The following EPHA5 variants were observed in gnomAD, a reference collection of about 807,000 sequenced individuals.
The protein encoded by EPHA5 is EPH receptor A5.
Under a neutral mutation model 105.0 loss-of-function variants are expected in EPHA5, and 60 were observed. The observed-to-expected ratio is 0.57, with a 90% CI of 0.46 to 0.71. The LOEUF is 0.71. Among genes scored for constraint, EPHA5 ranks in the 30% least tolerant of loss-of-function variants. The pLI is 0.00. For synonymous variants in EPHA5, 513 were observed against 449.1 expected, an observed-to-expected ratio of 1.14 and a Z score of -1.80; for missense variants, 1,218 against 1,274.7, an observed-to-expected ratio of 0.96 and a Z score of 0.68.
intron 3 of EPHA5, among the ~76,000 whole-genome samples, chr4:65,498,828 C>G (rs1732198689): frequency 1.3e-5 from 2 of 151,548 alleles, no homozygotes; most frequent in South Asian, 4.2e-4. Context: ...GAAAAAAAAC[C>G]TGTGTGGTTC....
chr4:65,465,999 C>T (rs987852254), intron 5 of EPHA5, among the ~76,000 whole-genome samples: 1 of 151,930 alleles, frequency 6.6e-6, no homozygotes, highest in South Asian at 2.1e-4. Flanking sequence ...CAAGGACAAA[C>T]AAAAAAAGAC....
chr4:65,472,506 G>C (rs1462848028), intron 5 of EPHA5, among the ~76,000 whole-genome samples: 2 of 152,182 alleles, frequency 1.3e-5, no homozygotes, highest in African/African-American at 4.8e-5. Flanking sequence ...ATATCTAGAA[G>C]TTTCCATACA....
chr4:65,488,021 TAC>T (rs1328292689), intron 5 of EPHA5, among the ~76,000 whole-genome samples: 2 of 152,166 alleles, frequency 1.3e-5, no homozygotes, highest in African/African-American at 4.8e-5. Context: ...TGCAAAATGT[TAC>T]AGTGTATACA....
intron 5 of EPHA5, among the ~76,000 whole-genome samples, chr4:65,469,035 G>A (rs919929552): frequency 6.6e-6 from 1 of 151,950 alleles, no homozygotes; most frequent in Admixed American, 6.6e-5. Flanking sequence ...TGAGTGTGAA[G>A]TCTAGGACTT....
intron 2 of EPHA5, among the ~76,000 whole-genome samples, chr4:65,603,474 GA>G (rs1267463357): frequency 1.8e-4 from 24 of 132,894 alleles, no homozygotes; most frequent in African/African-American, 5.7e-4. Context: ...AAGTATTGTA[GA>G]TAAAAAAAAC....
chr4:65,585,206 G>T (rs1452925525), intron 3 of EPHA5, among the ~76,000 whole-genome samples: 1 of 151,212 alleles, frequency 6.6e-6, no homozygotes, highest in African/African-American at 2.4e-5. Context: ...GTGATATATA[G>T]AATTTGCTAT....
intron 3 of EPHA5, among the ~76,000 whole-genome samples, chr4:65,577,450 G>A (rs1432997482): frequency 6.6e-6 from 1 of 152,050 alleles, no homozygotes; most frequent in Non-Finnish European, 1.5e-5. Context: ...TATGTGTAAT[G>A]TAATAGTAGC....
intron 3 of EPHA5, among the ~76,000 whole-genome samples, chr4:65,524,413 C>A (rs185109871): frequency 3.3e-5 from 5 of 151,838 alleles, no homozygotes; most frequent in African/African-American, 1.2e-4. Flanking sequence ...CATTCTTATG[C>A]TCTTCATAGT....
At chr4:65,515,733 C>T (rs1734045967) in intron 3 of EPHA5, among the ~76,000 whole-genome samples, 3 of 152,040 alleles carry the variant, frequency 2.0e-5, no homozygotes, top group Admixed American at 1.3e-4. Context: ...CTAAGGGATG[C>T]TGAGATAGCT....
intron 5 of EPHA5, among the ~76,000 whole-genome samples, chr4:65,432,107 T>C (rs1444266466): frequency 6.6e-6 from 1 of 152,162 alleles, no homozygotes; most frequent in East Asian, 1.9e-4. Context: ...AAAGCCTTTA[T>C]GACATTATGT....
intron 5 of EPHA5, among the ~76,000 whole-genome samples, chr4:65,462,233 C>T (rs1578169788): frequency 6.6e-6 from 1 of 152,080 alleles, no homozygotes; most frequent in East Asian, 1.9e-4. Flanking sequence ...TAGCTAAATA[C>T]AAGTTTCTTA....
intron 11 of EPHA5, among the ~76,000 whole-genome samples, chr4:65,364,159 A>G (rs1293676438): frequency 1.3e-5 from 2 of 151,740 alleles, no homozygotes; most frequent in East Asian, 1.9e-4. Context: ...AAACCCACGT[A>G]TGTAGTTTAT....
rs1750316998 is a variant in EPHA5, at chr4:65,669,873, G to A, written c.-131C>T. 1 of 1,213,180 alleles carries A rather than the reference G, an allele frequency of 8.2e-7. No homozygotes were observed. The highest frequency in any genetic ancestry group is 1.6e-5 in the African/African-American group (1 of 64,206). 75.2% of individuals were successfully genotyped at this position (1,213,180 alleles called of 1,614,324 possible). On this transcript the variant is annotated 5_prime_UTR_variant, in exon 1 of 17. Transcript: ENST00000613740. Reference sequence around the variant, plus strand: ...GGGGTCCTACGCCTTCTGGCACGCGGCTCCTCCAAATGTAGGAACCACGGA... The same window carrying A: ...GGGGTCCTACGCCTTCTGGCACGCGACTCCTCCAAATGTAGGAACCACGGA...
intron 1 of EPHA5, among the ~76,000 whole-genome samples, chr4:65,647,558 A>G (rs1748232357): frequency 6.6e-6 from 1 of 152,124 alleles, no homozygotes; most frequent in Non-Finnish European, 1.5e-5. Context: ...ATCTTATTGT[A>G]CAACTTAATT....
chr4:65,427,433 G>C (rs558623842), intron 5 of EPHA5, among the ~76,000 whole-genome samples: 88 of 152,004 alleles, frequency 5.8e-4, no homozygotes, highest in African/African-American at 2.0e-3. Context: ...CACCTACCTC[G>C]GCCACCCAAA....
intron 14 of EPHA5, among the ~76,000 whole-genome samples, chr4:65,341,263 C>A (rs62313036): frequency 1.9e-3 from 294 of 152,076 alleles, no homozygotes; most frequent in Non-Finnish European, 3.0e-3. Flanking sequence ...ATATGAAACA[C>A]CTCAGGTTCC....
chr4:65,590,045 C>T (rs1200800557), intron 3 of EPHA5, among the ~76,000 whole-genome samples: 1 of 152,148 alleles, frequency 6.6e-6, no homozygotes, highest in Non-Finnish European at 1.5e-5. Flanking sequence ...TACAATCACA[C>T]AGCAGGAACT....
intron 3 of EPHA5, among the ~76,000 whole-genome samples, chr4:65,585,650 A>G (rs1286185733): frequency 1.3e-5 from 2 of 151,838 alleles, no homozygotes; most frequent in Admixed American, 1.3e-4. Context: ...ATAAAAGAAA[A>G]CAAGAAAATC....
At chr4:65,506,166 A>G (rs1262727468) in intron 3 of EPHA5, among the ~76,000 whole-genome samples, 2 of 152,124 alleles carry the variant, frequency 1.3e-5, no homozygotes, top group Non-Finnish European at 2.9e-5. Flanking sequence ...CATTCCCTAC[A>G]AAGGACATGA....
Sources: gnomAD v4.1 joint callset for allele counts (sites outside exome capture counted in the v4.1 genomes callset) on GRCh38, gnomAD v4.1.1 for gene constraint, MANE v1.5 for transcripts, NCBI Gene and HGNC (gene_info 2026-07-23, HGNC 2026-07-21) for gene names.